GAS2L1: variants seen among roughly 807,000 people sequenced by gnomAD.
GAS2L1 encodes GAS2-like protein 1.
Under a neutral mutation model 44.0 loss-of-function variants are expected in GAS2L1, and 26 were observed. That is an observed-to-expected ratio of 0.59 (90% CI 0.43 to 0.82). The LOEUF (loss-of-function observed/expected upper bound fraction) is 0.82, where lower values mean the gene tolerates loss of function less well. GAS2L1 is among the 40% of genes least tolerant of loss of function. GAS2L1 has a pLI of 0.00. For synonymous variants in GAS2L1, 426 were observed against 415.9 expected, an observed-to-expected ratio of 1.02 and a Z score of -0.30; for missense variants, 1,006 against 983.0, an observed-to-expected ratio of 1.02 and a Z score of -0.31.
intron 4 of GAS2L1, 128 bp downstream of exon 5, chr22:29,311,126 G>A (rs2061400910): frequency 4.5e-6 from 4 of 898,532 alleles, no homozygotes; most frequent in South Asian, 1.7e-5. Context: ...GGGTGGGGGC[G>A]GGCCTGGCTT....
Position 29,312,189 on chromosome 22 carries a change from CCTGGGGACTCTGG to C in GAS2L1, c.1740_1752del (p.Asp582ArgfsTer30). On this transcript the variant is annotated frameshift_variant, in exon 5 of 5. Transcript: ENST00000618518. LOFTEE classifies it high-confidence loss of function. ...CGTCCTGGGTGGCAAATGTGGCCAACCTGGGGACTCTGGCCGGACGGCCAATGGGCTGCCTGGG... is the reference window on the plus strand; with the variant it reads ...CGTCCTGGGTGGCAAATGTGGCCAACCCGGACGGCCAATGGGCTGCCTGGG... 6.2e-7 allele frequency: 1 copy of C among 1,613,102 alleles called. No homozygotes were observed. Among genetic ancestry groups the C allele is most frequent in the Non-Finnish European group, 8.5e-7 (1 of 1,179,836 alleles).
exon 1 of GAS2L1, chr22:29,308,234 G>T: frequency 6.2e-7 from 1 of 1,609,156 alleles, no homozygotes; most frequent in East Asian, 2.2e-5. Flanking sequence ...TGTACGGCCT[G>T]GGTCTCCCGG....
At chr22:29,308,701 G>A in exon 1 of GAS2L1, 2 of 1,501,678 alleles carry the variant, frequency 1.3e-6, no homozygotes, top group African/African-American at 1.4e-5. Flanking sequence ...CGCGGCCCCC[G>A]CATGACACCC....
At chr22:29,310,525 G>C (rs200625190) in exon 2 of GAS2L1, 50 of 1,609,132 alleles carry the variant, frequency 3.1e-5, no homozygotes, top group East Asian at 2.0e-4. Context: ...TGGGGGACTC[G>C]AGCCTGCTCA....
exon 5 of GAS2L1, chr22:29,312,301 C>T: frequency 6.2e-7 from 1 of 1,608,292 alleles, no homozygotes; most frequent in Non-Finnish European, 8.5e-7. Context: ...CCACTAGATG[C>T]ACCTGGGAGC....
exon 1 of GAS2L1, chr22:29,307,091 G>GCGGCC (rs1018530418): frequency 5.9e-5 from 9 of 151,912 alleles, no homozygotes; most frequent in Non-Finnish European, 1.0e-4. Flanking sequence ...CCTCCCTGCG[G>GCGGCC]CGGCCCGGCC....
In GAS2L1 at chr22:29,312,563, G is replaced by A. The variant is rs2061422798; in HGVS notation, c.*66G>A. The A allele has an allele frequency of 3.3e-6, 4 of 1,221,964 alleles. No individual in the cohort carries two copies. In the African/African-American group the frequency reaches 4.5e-5, roughly 14 times the overall value. 75.7% of individuals were successfully genotyped at this position (1,221,964 alleles called of 1,614,324 possible). ...TTTCCTTTGTGGCCTTAACCCTTCTGCATCAGGGAGCCCCCTCTGCCTCTT... is the reference window on the plus strand; with the variant it reads ...TTTCCTTTGTGGCCTTAACCCTTCTACATCAGGGAGCCCCCTCTGCCTCTT... On this transcript the variant is annotated 3_prime_UTR_variant, in exon 5 of 5. Transcript: ENST00000618518.
exon 5 of GAS2L1, chr22:29,311,755 G>A (rs899416481): frequency 3.3e-6 from 5 of 1,536,740 alleles, no homozygotes; most frequent in African/African-American, 1.4e-5. Flanking sequence ...CGGCGGGCCC[G>A]GAGCCAGAGC....
rs1479761712 is a variant in GAS2L1 at position 29,308,325 on chromosome 22, C to T, written c.220C>T (p.Arg74Cys). The T allele has an allele frequency of 1.9e-6, 3 of 1,605,574 alleles. No individual in the cohort carries two copies. Among genetic ancestry groups the T allele is most frequent in the South Asian group, 1.1e-5 (1 of 90,442 alleles). Residue 74 changes from arginine (R) to cysteine (C), a missense_variant, in exon 1 of 5, where the codon CGT becomes TGT. Physicochemically the swap from Arg to Cys is radical, Grantham distance 180. Coordinates refer to ENST00000618518, the Ensembl canonical transcript of GAS2L1. ...TGCCAACGCCGTGACCGAGGCTGCC[C>T]GTGCATTGGCAGCCGCCCGCCCGGC...
At chr22:29,308,306 C>T (rs749867915) in exon 1 of GAS2L1, 18 of 1,607,468 alleles carry the variant, frequency 1.1e-5, no homozygotes, top group Admixed American at 1.7e-5. Flanking sequence ...AACATGCCAA[C>T]GCCGTGACCG....
exon 1 of GAS2L1, chr22:29,308,511 G>T: frequency 6.2e-7 from 1 of 1,608,926 alleles, no homozygotes; most frequent in South Asian, 1.1e-5. Flanking sequence ...CGAGAAGAGC[G>T]TGGTGCTGTG....
chr22:29,308,671 C>A, exon 1 of GAS2L1: 1 of 1,527,806 alleles, frequency 6.5e-7, no homozygotes, highest in East Asian at 2.3e-5. Context: ...GAAACCGCCC[C>A]CGCACCAGGG....
In GAS2L1 at chr22:29,310,430, T is replaced by C; in HGVS notation, c.634-9T>C. ...ACCTCTGACCCCTACCCTCTCTCTC[T>C]GGCCTCAGGTGAGGGAGATTCTGGG... On this transcript the variant is annotated splice_polypyrimidine_tract_variant and intron_variant, in intron 1 of 4. Coordinates refer to ENST00000618518, the Ensembl canonical transcript of GAS2L1. 6.6e-7 allele frequency: 1 copy of C among 1,508,438 alleles called. No individual in the cohort carries two copies. 93.4% of individuals were successfully genotyped at this position (1,508,438 alleles called of 1,614,324 possible).
chr22:29,308,013 T>C, exon 1 of GAS2L1: 8 of 1,024,936 alleles, frequency 7.8e-6, no homozygotes, highest in Non-Finnish European at 1.1e-5. Flanking sequence ...CTGGTGCAGG[T>C]GGCCAGCAGC....
At chr22:29,308,165 C>T (rs769845692) in exon 1 of GAS2L1, 2 of 1,593,148 alleles carry the variant, frequency 1.3e-6, no homozygotes, top group Non-Finnish European at 1.7e-6. Flanking sequence ...GGCCATTTCG[C>T]TCCAGTGAGG....
chr22:29,311,154 C>G, intron 4 of GAS2L1, 156 bp downstream of exon 5: 1 of 670,620 alleles, frequency 1.5e-6, no homozygotes. Flanking sequence ...CCATGGCAAC[C>G]CAACCAAACC....
Position 29,308,862 on chromosome 22 carries a change from C to G in GAS2L1, c.633+124C>G, listed in dbSNP as rs184305740. The G allele has an allele frequency of 4.1e-5, 30 of 735,380 alleles. No individual in the cohort carries two copies. In the Admixed American group the frequency reaches 8.7e-4, roughly 21 times the overall value. The allele number at this position is 735,380 out of a possible 1,614,324, so 45.6% of individuals were successfully genotyped here. ...CAGTCTGCCCCACAAAAAGAGTGCACATGTTGAGCACCAAACCGAGGAATG... is the reference window on the plus strand; with the variant it reads ...CAGTCTGCCCCACAAAAAGAGTGCAGATGTTGAGCACCAAACCGAGGAATG... On this transcript the variant is annotated intron_variant, in intron 1 of 4. Transcript: ENST00000618518.
At chr22:29,312,403 G>C (rs935775319) in exon 5 of GAS2L1, 4 of 1,573,030 alleles carry the variant, frequency 2.5e-6, no homozygotes, top group Admixed American at 1.8e-5. Context: ...CCCACGCCTC[G>C]GGGCCCCCGC....
rs1001554088 is a variant in GAS2L1 at position 29,307,927 on chromosome 22, C to T, written c.-179C>T. 2.6e-4 allele frequency: 120 copies of T among 463,964 alleles called. 1 individual carries two copies. The highest frequency in any genetic ancestry group is 2.9e-4 in the South Asian group (5 of 17,518). The allele number at this position is 463,964 out of a possible 1,614,324, so 28.7% of individuals were successfully genotyped here. On this transcript the variant is annotated 5_prime_UTR_variant, in exon 1 of 5. Coordinates refer to ENST00000618518, the Ensembl canonical transcript of GAS2L1. Reference sequence around the variant, plus strand: ...GCAGGGAATGTTACTGTACCCATTTCGCAGATGAGGAAACTTGGGGCACCG... The same window carrying T: ...GCAGGGAATGTTACTGTACCCATTTTGCAGATGAGGAAACTTGGGGCACCG...
Sources: gnomAD v4.1 joint callset for allele counts on GRCh38, gnomAD v4.1.1 for gene constraint, MANE v1.5 for transcripts, NCBI Gene and HGNC (gene_info 2026-07-23, HGNC 2026-07-21) for gene names.